Variants in HACD2 observed in about 807,000 individuals in gnomAD.
HACD2 encodes very-long-chain (3R)-3-hydroxyacyl-CoA dehydratase 2.
In HACD2, 15 loss-of-function variants were observed where a neutral mutation model predicts 31.0. The ratio of observed to expected loss-of-function variants is 0.48; its 90% confidence interval spans 0.32 to 0.75. The LOEUF (loss-of-function observed/expected upper bound fraction) is 0.75. Among genes scored for constraint, HACD2 ranks in the 30% least tolerant of loss-of-function variants. The pLI is 0.03. For synonymous variants in HACD2, 115 were observed against 122.2 expected, an observed-to-expected ratio of 0.94 and a Z score of 0.39; for missense variants, 283 against 313.0, an observed-to-expected ratio of 0.90 and a Z score of 0.72.
chr3:123,552,246 G>A (rs1261163234), intron 3 of HACD2, among the ~76,000 whole-genome samples: 4 of 152,130 alleles, frequency 2.6e-5, no homozygotes, highest in Non-Finnish European at 4.4e-5. Flanking sequence ...ATCTGAAAAC[G>A]GCATTGCTTC....
chr3:123,563,644 TACAC>T (rs58761061), intron 3 of HACD2, among the ~76,000 whole-genome samples: 3,233 of 112,020 alleles, frequency 0.029, 141 homozygotes, highest in East Asian at 0.26. Context: ...AAAATATATA[TACAC>T]ACACACACAC....
intron 3 of HACD2, among the ~76,000 whole-genome samples, chr3:123,567,081 G>C (rs1403609775): frequency 6.6e-6 from 1 of 152,068 alleles, no homozygotes; most frequent in African/African-American, 2.4e-5. Context: ...TCCTCCCTTT[G>C]GGAGACATAC....
At chr3:123,533,305 C>G (rs1213965461) in intron 3 of HACD2, among the ~76,000 whole-genome samples, 1 of 152,162 alleles carries the variant, frequency 6.6e-6, no homozygotes, top group Non-Finnish European at 1.5e-5. Flanking sequence ...TGTGCCACCA[C>G]GCCCAGCTAA....
intron 3 of HACD2, among the ~76,000 whole-genome samples, chr3:123,558,453 T>C (rs1468365272): frequency 6.6e-6 from 1 of 152,132 alleles, no homozygotes; most frequent in East Asian, 1.9e-4. Context: ...TTGTAACAAA[T>C]GTACTACTCT....
intron 3 of HACD2, among the ~76,000 whole-genome samples, chr3:123,549,739 C>T (rs1217823257): frequency 6.6e-6 from 1 of 152,174 alleles, no homozygotes; most frequent in African/African-American, 2.4e-5. Flanking sequence ...CAGAGCAAGA[C>T]CCTGTCTCCA....
chr3:123,533,908 T>A (rs909524140), intron 3 of HACD2, among the ~76,000 whole-genome samples: 2 of 152,212 alleles, frequency 1.3e-5, no homozygotes, highest in Admixed American at 6.5e-5. Flanking sequence ...GATATCTCTG[T>A]CAGCAGTGCA....
In HACD2 at chr3:123,524,268, C is replaced by T. The variant is rs567124683; in HGVS notation, c.381+4118G>A. On this transcript the variant is annotated intron_variant, in intron 4 of 6. Transcript: ENST00000383657. The stretch of plus-strand genomic sequence containing the variant: ...AAAATTCAGATTCCCTGGTCCCACT[C>T]CCAGACATTCTGTATCAAGTGTAAG... 3.3e-5 allele frequency among the ~76,000 whole-genome samples: 5 copies of T among 152,286 alleles called. No individual in the cohort carries two copies. In the South Asian group the frequency reaches 6.2e-4, roughly 19 times the overall value.
At chr3:123,567,031 A>C (rs917254842) in intron 3 of HACD2, among the ~76,000 whole-genome samples, 5 of 152,136 alleles carry the variant, frequency 3.3e-5, no homozygotes, top group Non-Finnish European at 7.4e-5. Flanking sequence ...GCAGTTCTCA[A>C]ATTTTTTGAC....
At chr3:123,502,809 T>C (rs1404533210) in intron 4 of HACD2, 128 bp from the exon 5 acceptor site, 1 of 919,654 alleles carries the variant, frequency 1.1e-6, no homozygotes, top group South Asian at 1.7e-5. Flanking sequence ...GACCCCTGTA[T>C]GGCAGAAAGA....
In HACD2 at chr3:123,567,793, A is replaced by AG; in HGVS notation, c.274-14dup. Reference sequence around the variant, plus strand: ...CACAATGTAAAATCTAGAGGAAAAAAGGGGAAAAAAGAGGAGAATTAGTAA... The same window carrying AG: ...CACAATGTAAAATCTAGAGGAAAAAAGGGGGAAAAAAGAGGAGAATTAGTAA... On this transcript the variant is annotated splice_polypyrimidine_tract_variant and intron_variant, in intron 2 of 6. Coordinates refer to ENST00000383657, the MANE Select transcript of HACD2 (RefSeq NM_198402.5). 6.7e-7 allele frequency: 1 copy of AG among 1,481,874 alleles called. No homozygotes were observed. The highest frequency in any genetic ancestry group is 9.1e-7 in the Non-Finnish European group (1 of 1,096,802). The allele number at this position is 1,481,874 out of a possible 1,614,324, so 91.8% of individuals were successfully genotyped here.
chr3:123,583,397 T>C (rs1240185153), intron 1 of HACD2, among the ~76,000 whole-genome samples: 1 of 152,222 alleles, frequency 6.6e-6, no homozygotes, highest in Non-Finnish European at 1.5e-5. Flanking sequence ...ATTTTATATA[T>C]AAATATTAAT....
intron 4 of HACD2, among the ~76,000 whole-genome samples, chr3:123,525,717 G>A (rs906606275): frequency 1.3e-5 from 2 of 151,984 alleles, no homozygotes; most frequent in Admixed American, 6.6e-5. Context: ...ACTTTAGAGG[G>A]GAATATGATA....
chr3:123,583,346 C>G (rs2056986090), intron 1 of HACD2, among the ~76,000 whole-genome samples: 1 of 152,134 alleles, frequency 6.6e-6, no homozygotes, highest in Non-Finnish European at 1.5e-5. Context: ...AAATCCCTCT[C>G]CAGTCCAATG....
chr3:123,520,399 AC>A (rs1241670805), intron 4 of HACD2, among the ~76,000 whole-genome samples: 3 of 152,244 alleles, frequency 2.0e-5, no homozygotes, highest in Non-Finnish European at 4.4e-5. Context: ...AGCCAGAGCT[AC>A]ACTGTCTAAT....
chr3:123,564,092 C>T (rs575528923), intron 3 of HACD2, among the ~76,000 whole-genome samples: 1 of 152,330 alleles, frequency 6.6e-6, no homozygotes, highest in South Asian at 2.1e-4. Context: ...GACAAGGTCT[C>T]GTCTGGGATG....
chr3:123,516,438 G>A (rs1302294592), intron 4 of HACD2, among the ~76,000 whole-genome samples: 1 of 151,558 alleles, frequency 6.6e-6, no homozygotes, highest in Non-Finnish European at 1.5e-5. Flanking sequence ...GTTTCACCGT[G>A]TTAGCCAGGA....
chr3:123,539,220 T>C (rs1030994803), intron 3 of HACD2, among the ~76,000 whole-genome samples: 2 of 152,146 alleles, frequency 1.3e-5, no homozygotes, highest in African/African-American at 2.4e-5. Flanking sequence ...ATATTCCCCA[T>C]TGGTGTTTAG....
Position 123,493,058 on chromosome 3 carries a change from A to T in HACD2, c.*1830T>A, listed in dbSNP as rs2055783480. ...CTTCTATAAAAATAAGCACTTAAAA[A>T]TTTAGTTTTCCAGGGGTTGGGTGCA... On this transcript the variant is annotated 3_prime_UTR_variant, in exon 7 of 7. Transcript: ENST00000383657. 1.3e-5 allele frequency: 2 copies of T among 152,254 alleles called. No individual in the cohort carries two copies. The highest frequency in any genetic ancestry group is 1.3e-4 in the Admixed American group (2 of 15,294). The allele number at this position is 152,254 out of a possible 1,614,324, so 9.4% of individuals were successfully genotyped here.
At chr3:123,517,800 GA>G (rs1315355316) in intron 4 of HACD2, among the ~76,000 whole-genome samples, 2 of 152,024 alleles carry the variant, frequency 1.3e-5, no homozygotes, top group African/African-American at 4.8e-5. Flanking sequence ...AAAAGGTGGG[GA>G]AAAAAAGCTA....
Sources: allele counts gnomAD v4.1 joint callset (sites outside exome capture counted in the v4.1 genomes callset), GRCh38; gene constraint gnomAD v4.1.1; transcripts MANE v1.5; gene names NCBI Gene and HGNC (gene_info 2026-07-23, HGNC 2026-07-21).